Variants in NRG1 observed in about 807,000 individuals in gnomAD.
NRG1 encodes the protein neuregulin 1, also known as pro-neuregulin-1, membrane-bound isoform.
NRG1 carries 18 observed loss-of-function variants against 63.8 expected under a neutral mutation model. The observed-to-expected ratio is 0.28, with a 90% CI of 0.19 to 0.42. The LOEUF (loss-of-function observed/expected upper bound fraction) is 0.42, where lower values mean the gene tolerates loss of function less well. Ranked by LOEUF, NRG1 falls within the 10% of genes least tolerant of loss-of-function variation. The pLI, the probability that NRG1 is intolerant of heterozygous loss-of-function variation, is 1.00. For synonymous variants in NRG1, 302 were observed against 301.3 expected, an observed-to-expected ratio of 1.00 and a Z score of -0.02; for missense variants, 762 against 814.7, an observed-to-expected ratio of 0.94 and a Z score of 0.79.
chr8:31,894,532 A>G (rs1365234642), intron 1 of NRG1, among the ~76,000 whole-genome samples: 1 of 149,728 alleles, frequency 6.7e-6, no homozygotes, highest in Non-Finnish European at 1.5e-5. Flanking sequence ...TGAAATCATA[A>G]TTGCTATTTC....
chr8:32,561,134 G>T (rs10104857), intron 1 of NRG1, among the ~76,000 whole-genome samples: 6,133 of 152,162 alleles, frequency 0.04, 429 homozygotes, highest in African/African-American at 0.14. Flanking sequence ...CTAGAACCCA[G>T]ATCTCCAGAT....
intron 7 of NRG1, among the ~76,000 whole-genome samples, chr8:32,752,612 C>A (rs993187576): frequency 1.3e-5 from 2 of 152,102 alleles, no homozygotes; most frequent in Admixed American, 6.5e-5. Flanking sequence ...TCTTTTCTTT[C>A]TTTATTTTTC....
intron 1 of NRG1, among the ~76,000 whole-genome samples, chr8:31,992,047 A>G (rs1811185941): frequency 6.6e-6 from 1 of 151,956 alleles, no homozygotes; most frequent in Admixed American, 6.6e-5. Context: ...TTTTAAAAGA[A>G]AATGAGGCCA....
chr8:31,757,803 T>G (rs1586186337), intron 1 of NRG1, among the ~76,000 whole-genome samples: 2 of 152,080 alleles, frequency 1.3e-5, no homozygotes, highest in African/African-American at 4.8e-5. Flanking sequence ...AAGTATTAAG[T>G]TCAATAAATT....
At chr8:31,787,033 A>C (rs2131639303) in intron 1 of NRG1, among the ~76,000 whole-genome samples, 1 of 152,258 alleles carries the variant, frequency 6.6e-6, no homozygotes, top group Non-Finnish European at 1.5e-5. Context: ...CCCATCCTGA[A>C]GCTACCCAAG....
intron 1 of NRG1, among the ~76,000 whole-genome samples, chr8:32,017,682 T>C (rs1815769116): frequency 1.3e-5 from 2 of 152,172 alleles, no homozygotes; most frequent in South Asian, 2.1e-4. Context: ...CGTGACTCAG[T>C]TTGTTGTAAA....
At chr8:31,776,838 T>C (rs559593551) in intron 1 of NRG1, among the ~76,000 whole-genome samples, 3 of 152,148 alleles carry the variant, frequency 2.0e-5, no homozygotes, top group Non-Finnish European at 4.4e-5. Context: ...GGTTTCCAGC[T>C]TCATCCATGT....
chr8:32,158,429 C>A (rs904672061), intron 1 of NRG1, among the ~76,000 whole-genome samples: 4 of 69,722 alleles, frequency 5.7e-5, no homozygotes, highest in Non-Finnish European at 1.4e-4. Context: ...TTGTTCGTTT[C>A]TCTTTGTTTG....
In NRG1 at chr8:31,875,716, G is replaced by T. The variant is rs572496294; in HGVS notation, c.37+236285G>T. 7.9e-5 allele frequency among the ~76,000 whole-genome samples: 12 copies of T among 152,258 alleles called. No individual in the cohort carries two copies. The South Asian group carries it at 2.3e-3, about 29-fold the overall frequency. The stretch of plus-strand genomic sequence containing the variant: ...GGATTGTGATTGTGTGAGACCTCCT[G>T]GGTGTTCCTGAGACTTTCGGAGGAT... On this transcript the variant is annotated intron_variant, in intron 1 of 10. Transcript: ENST00000519301.
chr8:32,079,171 A>T (rs1466433956), intron 1 of NRG1, among the ~76,000 whole-genome samples: 1 of 151,730 alleles, frequency 6.6e-6, no homozygotes, highest in Non-Finnish European at 1.5e-5. Flanking sequence ...ACACACACAC[A>T]CACACACACA....
intron 1 of NRG1, among the ~76,000 whole-genome samples, chr8:32,368,677 A>G (rs1247580619): frequency 6.6e-6 from 1 of 152,188 alleles, no homozygotes; most frequent in Admixed American, 6.5e-5. Flanking sequence ...AGAGTAGCCA[A>G]TTTTGTATCT....
intron 1 of NRG1, among the ~76,000 whole-genome samples, chr8:32,018,712 A>G (rs1029954969): frequency 6.6e-6 from 1 of 152,208 alleles, no homozygotes; most frequent in Non-Finnish European, 1.5e-5. Flanking sequence ...TGTTACAAAT[A>G]AAGTTGATAT....
intron 1 of NRG1, among the ~76,000 whole-genome samples, chr8:31,851,967 C>T (rs1257698529): frequency 6.6e-6 from 1 of 150,578 alleles, no homozygotes; most frequent in Non-Finnish European, 1.5e-5. Context: ...CATAGTATTC[C>T]ATGGTGTATA....
intron 1 of NRG1, among the ~76,000 whole-genome samples, chr8:31,753,314 C>G (rs1477876766): frequency 2.6e-5 from 4 of 151,608 alleles, no homozygotes; most frequent in Non-Finnish European, 5.9e-5. Context: ...AAAATGAACT[C>G]TTATGATGAA....
chr8:32,403,053 C>T (rs1350432172), intron 1 of NRG1, among the ~76,000 whole-genome samples: 1 of 152,010 alleles, frequency 6.6e-6, no homozygotes, highest in Non-Finnish European at 1.5e-5. Context: ...AATCCCAGCA[C>T]TTTGGGAGGC....
intron 1 of NRG1, among the ~76,000 whole-genome samples, chr8:32,270,320 G>C (rs1171782859): frequency 6.6e-6 from 1 of 152,210 alleles, no homozygotes; most frequent in African/African-American, 2.4e-5. Context: ...CCCAGGCTCT[G>C]AGTAGAGTTG....
intron 1 of NRG1, among the ~76,000 whole-genome samples, chr8:31,877,248 GA>G (rs1197938843): frequency 6.6e-5 from 10 of 152,182 alleles, no homozygotes; most frequent in African/African-American, 2.2e-4. Context: ...TTCGAACTCC[GA>G]AGACACCAGC....
At chr8:32,567,095 C>T (rs571971827) in intron 1 of NRG1, among the ~76,000 whole-genome samples, 2 of 152,260 alleles carry the variant, frequency 1.3e-5, no homozygotes, top group African/African-American at 4.8e-5. Context: ...ACCTCGGCCT[C>T]CCAAAGTGCT....
At chr8:32,350,130 C>T (rs1004473364) in intron 1 of NRG1, among the ~76,000 whole-genome samples, 5 of 152,098 alleles carry the variant, frequency 3.3e-5, no homozygotes, top group East Asian at 1.9e-4. Flanking sequence ...CTAAGTGGTC[C>T]TAGAGCACCC....
Sources: allele counts gnomAD v4.1 joint callset (sites outside exome capture counted in the v4.1 genomes callset), GRCh38; gene constraint gnomAD v4.1.1; transcripts MANE v1.5; gene names NCBI Gene and HGNC (gene_info 2026-07-23, HGNC 2026-07-21).